CA5B: variants seen among roughly 807,000 people sequenced by gnomAD.
The protein encoded by CA5B is carbonic anhydrase 5B.
A neutral mutation model predicts 23.1 loss-of-function variants in CA5B; 15 were observed. The observed-to-expected ratio is 0.65, with a 90% CI of 0.43 to 1.00. CA5B has a LOEUF of 1.00. CA5B is among the 50% of genes least tolerant of loss of function. The pLI, the probability that CA5B is intolerant of heterozygous loss-of-function variation, is 0.00. For synonymous variants in CA5B, 84 were observed against 98.5 expected (o/e 0.85, Z 0.87); for missense variants, 236 against 252.2 (o/e 0.94, Z 0.43).
rs1932089405 is a variant in CA5B at position 15,785,044 on chromosome X, TAAC to T, written c.*2383_*2385del. 1 of 111,649 alleles carries T rather than the reference TAAC, an allele frequency of 9.0e-6. No homozygotes were observed. Among genetic ancestry groups the T allele is most frequent in the Non-Finnish European group, 1.9e-5 (1 of 53,131 alleles). The allele number at this position is 111,649 out of a possible 1,213,427, so 9.2% of individuals were successfully genotyped here. ...GGCCACTATCAGAAGAACAAAAAAA[TAAC>T]AAGTATTGGGGAGGATGCAGAGAAG... is the stretch of plus-strand genomic sequence containing the variant. On this transcript the variant is annotated 3_prime_UTR_variant, in exon 8 of 8. Transcript: ENST00000318636.
chrX:15,748,099 C>G (rs1325948975), intron 1 of CA5B, among the ~76,000 whole-genome samples: 1 of 111,964 alleles, frequency 8.9e-6, no homozygotes, highest in Non-Finnish European at 1.9e-5. Context: ...GCTGGTCGCC[C>G]CACCCTAATC....
At chrX:15,774,889 C>T (rs1931892339) in intron 5 of CA5B, among the ~76,000 whole-genome samples, 1 of 112,137 alleles carries the variant, frequency 8.9e-6, no homozygotes, top group South Asian at 3.7e-4. Flanking sequence ...AATGCACAGC[C>T]CAATAGAGTG....
At position 15,782,618 on chromosome X, in the gene CA5B, A is replaced by G. The variant is rs1932045418; in HGVS notation, c.908A>G (p.Asn303Ser). 1 of 1,205,268 alleles carries G rather than the reference A, an allele frequency of 8.3e-7. No homozygotes were observed. The highest frequency in any genetic ancestry group is 1.7e-5 in the African/African-American group (1 of 57,615). The change falls in exon 8 of 8, where the codon AAT (asparagine) becomes AGT (serine). Residue 303 changes from asparagine (N) to serine (S), a missense_variant. By Grantham distance (46) the Asn-to-Ser change is conservative. Transcript: ENST00000318636. ...TCCTTCCGGCATGATTATGTGCTGA[A>G]TGTACAAGCGAAACCCAAGCCGGCC... ...RSSFRHDYVL[N>S]VQAKPKPATS...
chrX:15,752,300 C>G (rs1375601556), intron 2 of CA5B, among the ~76,000 whole-genome samples: 1 of 111,300 alleles, frequency 9.0e-6, no homozygotes, highest in Non-Finnish European at 1.9e-5. Context: ...GATTTACTTT[C>G]CAAGCTGACT....
At chrX:15,745,842 AAAAT>A (rs1931218761) in intron 1 of CA5B, 2 of 89,779 alleles carry the variant, frequency 2.2e-5, no homozygotes, top group African/African-American at 6.7e-5. Flanking sequence ...AGAAAACAAA[AAAAT>A]GATACTAAAA....
chrX:15,775,839 A>C (rs1601793868), intron 6 of CA5B: 1 of 731,046 alleles, frequency 1.4e-6, no homozygotes, highest in Non-Finnish European at 1.6e-6. Flanking sequence ...TCTGGTCCCC[A>C]CCTCTTTCCC....
intron 4 of CA5B, among the ~76,000 whole-genome samples, chrX:15,773,901 TA>T (rs1249033665): frequency 9.0e-6 from 1 of 111,673 alleles, no homozygotes; most frequent in Non-Finnish European, 1.9e-5. Flanking sequence ...AATTTGTCTT[TA>T]ACTCCTGCAT....
At chrX:15,765,225 A>G (rs1302980216) in intron 3 of CA5B, 1 of 155,930 alleles carries the variant, frequency 6.4e-6, no homozygotes, top group East Asian at 2.6e-4. Context: ...TCATGTGTGC[A>G]TTAGGTTGCA....
chrX:15,768,486 G>T (rs1220882268), intron 3 of CA5B, among the ~76,000 whole-genome samples: 1 of 112,331 alleles, frequency 8.9e-6, no homozygotes, highest in African/African-American at 3.2e-5. Flanking sequence ...AAGAAAACTT[G>T]TAGAGAGTTT....
rs984089841 is a variant in CA5B, at chrX:15,769,407, T to C, written c.341-3089T>C. On this transcript the variant is annotated intron_variant, in intron 3 of 7. Transcript: ENST00000318636. ...AGTGCATATAAGAGAGTCGAAATAC[T>C]GTGGGGAAGGGCACTAAATTGTCCC... The C allele has an allele frequency of 3.8e-5, 25 of 652,770 alleles. No individual in the cohort carries two copies. In the African/African-American group the frequency reaches 5.8e-4, roughly 15 times the overall value. The allele number at this position is 652,770 out of a possible 1,213,427, so 53.8% of individuals were successfully genotyped here.
intron 2 of CA5B, among the ~76,000 whole-genome samples, chrX:15,762,628 T>A (rs982307057): frequency 9.0e-6 from 1 of 110,602 alleles, no homozygotes; most frequent in Non-Finnish European, 1.9e-5. Context: ...GAGACAGGGT[T>A]TCACTGTGTC....
chrX:15,781,744 G>A (rs975044054), intron 7 of CA5B, among the ~76,000 whole-genome samples: 2 of 110,605 alleles, frequency 1.8e-5, no homozygotes, highest in Non-Finnish European at 3.8e-5. Context: ...GCAAGACCCT[G>A]TCTCTACAAA....
intron 2 of CA5B, among the ~76,000 whole-genome samples, chrX:15,752,550 C>T (rs1016928930): frequency 1.8e-5 from 2 of 108,668 alleles, no homozygotes; most frequent in African/African-American, 3.4e-5. Flanking sequence ...ACGGTGAAAC[C>T]CCGTCTCTAC....
At chrX:15,773,958 C>T in intron 4 of CA5B, among the ~76,000 whole-genome samples, 1 of 112,313 alleles carries the variant, frequency 8.9e-6, no homozygotes, top group Non-Finnish European at 1.9e-5. Flanking sequence ...AACATCTTCT[C>T]TCCTGTAGAT....
intron 3 of CA5B, among the ~76,000 whole-genome samples, chrX:15,769,889 A>G (rs1174955479): frequency 1.8e-5 from 2 of 111,848 alleles, no homozygotes; most frequent in East Asian, 5.6e-4. Context: ...TCTCTTTCAC[A>G]TTGAAAAACA....
chrX:15,740,029 C>T (rs1194334190), intron 1 of CA5B, among the ~76,000 whole-genome samples: 1 of 111,743 alleles, frequency 8.9e-6, no homozygotes, highest in Non-Finnish European at 1.9e-5. Flanking sequence ...AGGCAGAGTT[C>T]AAGCTGCTTG....
chrX:15,747,961 G>A (rs987793174), intron 1 of CA5B, among the ~76,000 whole-genome samples: 6 of 111,421 alleles, frequency 5.4e-5, no homozygotes, highest in Non-Finnish European at 9.4e-5. Flanking sequence ...CAAGAGAGGC[G>A]TCCAAAAATG....
intron 2 of CA5B, among the ~76,000 whole-genome samples, chrX:15,753,889 G>A (rs766362657): frequency 7.2e-5 from 8 of 110,765 alleles, no homozygotes; most frequent in Admixed American, 9.4e-5. Context: ...CAGCCTGGGC[G>A]ACAAGAGCGA....
intron 3 of CA5B, 47 bp downstream of exon 3, chrX:15,764,822 T>G (rs1274099057): frequency 1.2e-6 from 1 of 819,417 alleles, no homozygotes; most frequent in Admixed American, 3.2e-5. Flanking sequence ...AGAAACAGTG[T>G]CATGTTAACA....
Sources: gnomAD v4.1 joint callset for allele counts (sites outside exome capture counted in the v4.1 genomes callset) on GRCh38, gnomAD v4.1.1 for gene constraint, MANE v1.5 for transcripts, NCBI Gene and HGNC (gene_info 2026-07-23, HGNC 2026-07-21) for gene names.